The following CHRM3 variants were observed in gnomAD, a reference collection of about 807,000 sequenced individuals.
CHRM3 encodes the protein muscarinic acetylcholine receptor M3.
In CHRM3, 11 loss-of-function variants were observed where a neutral mutation model predicts 41.8. That is an observed-to-expected ratio of 0.26 (90% CI 0.17 to 0.44). The LOEUF is 0.44. CHRM3 is among the 20% of genes least tolerant of loss of function. The pLI is 1.00. For synonymous variants in CHRM3, 297 were observed against 301.4 expected (o/e 0.99, Z 0.15); for missense variants, 571 against 745.4 (o/e 0.77, Z 2.72).
chr1:239,445,281 G>A (rs1664042551), intron 1 of CHRM3, among the ~76,000 whole-genome samples: 1 of 152,144 alleles, frequency 6.6e-6, no homozygotes, highest in Admixed American at 6.5e-5. Flanking sequence ...TGTTACCTGA[G>A]TATTTTCCCA....
chr1:239,746,497 T>C (rs982973495), intron 5 of CHRM3, among the ~76,000 whole-genome samples: 37 of 152,196 alleles, frequency 2.4e-4, no homozygotes, highest in African/African-American at 8.2e-4. Context: ...ACTTGATATG[T>C]GTGTAAAGCA....
intron 1 of CHRM3, among the ~76,000 whole-genome samples, chr1:239,471,759 G>T (rs1311366421): frequency 6.6e-6 from 1 of 152,174 alleles, no homozygotes; most frequent in Non-Finnish European, 1.5e-5. Context: ...CATTTTGAGA[G>T]CACGGCTGTG....
chr1:239,638,796 T>G (rs1309408808), intron 4 of CHRM3, among the ~76,000 whole-genome samples: 6 of 152,188 alleles, frequency 3.9e-5, no homozygotes, highest in African/African-American at 1.4e-4. Flanking sequence ...TTTTGGCTTT[T>G]GTTGCCATTG....
At chr1:239,470,066 T>C (rs1178871964) in intron 1 of CHRM3, among the ~76,000 whole-genome samples, 2 of 152,082 alleles carry the variant, frequency 1.3e-5, no homozygotes, top group Non-Finnish European at 2.9e-5. Flanking sequence ...AGGGGTTTTG[T>C]AGATGGAATT....
chr1:239,764,063 C>T (rs73125236), intron 5 of CHRM3, among the ~76,000 whole-genome samples: 3,945 of 149,128 alleles, frequency 0.026, 195 homozygotes, highest in African/African-American at 0.093. Flanking sequence ...TGCCCTCCAG[C>T]GACAGAGTGA....
chr1:239,636,015 A>C (rs1370360671), intron 4 of CHRM3, among the ~76,000 whole-genome samples: 1 of 152,230 alleles, frequency 6.6e-6, no homozygotes, highest in Non-Finnish European at 1.5e-5. Context: ...AAGGACAGAC[A>C]GTGGTATAAA....
intron 3 of CHRM3, among the ~76,000 whole-genome samples, chr1:239,578,047 T>C (rs2148573606): frequency 6.6e-6 from 1 of 152,304 alleles, no homozygotes; most frequent in East Asian, 1.9e-4. Context: ...GCCTCAAGAA[T>C]GGAAAACTAA....
Position 239,673,278 on chromosome 1 carries a change from T to C in CHRM3, c.-249-4908T>C, listed in dbSNP as rs1285681494. On this transcript the variant is annotated intron_variant, in intron 4 of 6. Transcript: ENST00000676153. ...GAAGGTGAGAAGGTGAAATGTGCAA[T>C]GCAGAGTGGAAGATTGCTGATCACG... Among the ~76,000 whole-genome samples, 5 of 152,144 alleles carry C rather than the reference T, an allele frequency of 3.3e-5. No homozygotes were observed. In the East Asian group the frequency reaches 9.7e-4, roughly 29 times the overall value.
intron 2 of CHRM3, among the ~76,000 whole-genome samples, chr1:239,517,324 A>G (rs1390428748): frequency 1.3e-5 from 2 of 152,182 alleles, no homozygotes; most frequent in East Asian, 1.9e-4. Flanking sequence ...ATTTCCCTCA[A>G]TTTATAAATG....
chr1:239,742,091 CG>C (rs1409586282), intron 5 of CHRM3, among the ~76,000 whole-genome samples: 14 of 10,188 alleles, frequency 1.4e-3, no homozygotes, highest in Middle Eastern at 0.25. Flanking sequence ...AGCATGCATA[CG>C]TTTTTTTTTT....
intron 4 of CHRM3, among the ~76,000 whole-genome samples, chr1:239,645,594 A>T (rs1671675147): frequency 6.6e-6 from 1 of 152,238 alleles, no homozygotes; most frequent in Non-Finnish European, 1.5e-5. Flanking sequence ...TGAGAAACAA[A>T]TACCTATGTG....
chr1:239,587,587 C>T (rs1663562221), intron 3 of CHRM3, among the ~76,000 whole-genome samples: 1 of 152,174 alleles, frequency 6.6e-6, no homozygotes, highest in African/African-American at 2.4e-5. Context: ...AAATATAGTG[C>T]AGTTGGCAAA....
intron 1 of CHRM3, among the ~76,000 whole-genome samples, chr1:239,399,328 C>T (rs2102966828): frequency 6.8e-6 from 1 of 147,534 alleles, no homozygotes; most frequent in East Asian, 1.9e-4. Context: ...ATATCCATGA[C>T]CTCTGATTTT....
At chr1:239,635,621 C>T (rs6700643) in intron 4 of CHRM3, among the ~76,000 whole-genome samples, 93,310 of 152,052 alleles carry the variant, frequency 0.61, 29,004 homozygotes, top group East Asian at 0.83. Flanking sequence ...TTAAGGCATA[C>T]GAAAATAACC....
intron 6 of CHRM3, among the ~76,000 whole-genome samples, chr1:239,900,411 G>T (rs7527677): frequency 0.23 from 33,496 of 143,210 alleles, 8,558 homozygotes; most frequent in African/African-American, 0.65. Flanking sequence ...CCTTATGACC[G>T]GCTGATCACT....
chr1:239,748,526 T>A lies in CHRM3; in HGVS notation c.-147+70238T>A, dbSNP rs16838871. The stretch of plus-strand genomic sequence containing the variant: ...GCAGTGTGTTTTAGTTAATGAAGTG[T>A]CTGGACAGCTGAGTCATAAATTCTG... On this transcript the variant is annotated intron_variant, in intron 5 of 6. Coordinates refer to ENST00000676153, the MANE Select transcript of CHRM3 (RefSeq NM_001375978.1). The surrounding 1 kb of genome is among the most constrained non-coding windows in gnomAD (Gnocchi z 4.3). Among the ~76,000 whole-genome samples, 6,540 of 152,308 alleles carry A rather than the reference T, an allele frequency of 0.043. 223 individuals are homozygous for A. Among genetic ancestry groups the A allele is most frequent in the African/African-American group, 0.083 (3,456 of 41,552 alleles).
At chr1:239,725,518 A>C (rs1368106270) in intron 5 of CHRM3, among the ~76,000 whole-genome samples, 2 of 151,970 alleles carry the variant, frequency 1.3e-5, no homozygotes, top group Non-Finnish European at 2.9e-5. Flanking sequence ...TCACTGAATA[A>C]ATAAAGATAA....
Position 239,403,976 on chromosome 1 carries a change from G to GGGGA in CHRM3, c.-521+16750_-521+16751insGGAG, listed in dbSNP as rs1417317293. ...GGGAGGGAGGGAGGGAGAGGGAGGGGGAGAGAGAGAGAGAGAGAGAGAGAG... is the reference window on the plus strand; with the variant it reads ...GGGAGGGAGGGAGGGAGAGGGAGGGGGGGAGAGAGAGAGAGAGAGAGAGAGAGAG... On this transcript the variant is annotated intron_variant, in intron 1 of 6. Transcript: ENST00000676153. Among the ~76,000 whole-genome samples, 13 of 46,506 alleles carry GGGGA rather than the reference G, an allele frequency of 2.8e-4. 1 individual carries two copies. Among genetic ancestry groups the GGGGA allele is most frequent in the East Asian group, 1.6e-3 (2 of 1,288 alleles). The allele number at this position is 46,506 out of a possible 152,430, so 30.5% of individuals were successfully genotyped here.
At chr1:239,729,718 G>A (rs1663782003) in intron 5 of CHRM3, among the ~76,000 whole-genome samples, 1 of 151,054 alleles carries the variant, frequency 6.6e-6, no homozygotes, top group Non-Finnish European at 1.5e-5. Flanking sequence ...GTATAACTCA[G>A]TGAACAAATG....
Sources: gnomAD v4.1 joint callset for allele counts (sites outside exome capture counted in the v4.1 genomes callset) on GRCh38, gnomAD v4.1.1 for gene constraint, Gnocchi (gnomAD v3.1) non-coding constraint, MANE v1.5 for transcripts, NCBI Gene and HGNC (gene_info 2026-07-23, HGNC 2026-07-21) for gene names.